The following FNBP1 variants were observed in gnomAD, a reference collection of about 807,000 sequenced individuals.
FNBP1 encodes the protein formin binding protein 1, also known as formin-binding protein 1.
In FNBP1, 26 loss-of-function variants were observed where a neutral mutation model predicts 90.6. That is an observed-to-expected ratio of 0.29 (90% confidence interval 0.21 to 0.40). FNBP1 has a LOEUF of 0.40. Among genes scored for constraint, FNBP1 ranks in the 10% least tolerant of loss-of-function variants. The probability of loss-of-function intolerance (pLI) is 1.00; values close to 1 mark genes in which losing one functional copy is unlikely to be tolerated. For missense variants in FNBP1, 635 were observed against 768.0 expected (o/e 0.83, Z 2.05); for synonymous variants, 260 against 265.2 (o/e 0.98, Z 0.19).
At chr9:130,011,913 A>C (rs2056658988) in intron 1 of FNBP1, among the ~76,000 whole-genome samples, 1 of 152,214 alleles carries the variant, frequency 6.6e-6, no homozygotes. Flanking sequence ...AAATTCTAAG[A>C]TTTAAATCAA....
chr9:129,906,926 C>T (rs2038177172), intron 12 of FNBP1, among the ~76,000 whole-genome samples: 2 of 152,024 alleles, frequency 1.3e-5, no homozygotes, highest in African/African-American at 4.8e-5. Context: ...ATTACAGGCA[C>T]ACACCACCAC....
chr9:129,909,593 C>T (rs1333679429), intron 11 of FNBP1, among the ~76,000 whole-genome samples: 2 of 151,832 alleles, frequency 1.3e-5, no homozygotes, highest in Admixed American at 6.6e-5. Context: ...ACCCCATGCA[C>T]ACCTCCCTCT....
intron 1 of FNBP1, among the ~76,000 whole-genome samples, chr9:130,007,001 A>C (rs958128130): frequency 1.3e-5 from 2 of 151,972 alleles, no homozygotes; most frequent in African/African-American, 4.8e-5. Flanking sequence ...TGGGAGGCTG[A>C]GGAAGGAGGA....
intron 1 of FNBP1, among the ~76,000 whole-genome samples, chr9:130,028,884 A>G (rs1228957744): frequency 6.6e-6 from 1 of 152,176 alleles, no homozygotes; most frequent in Non-Finnish European, 1.5e-5. Flanking sequence ...CCAGATGCAT[A>G]TACTAGGCTA....
At chr9:129,916,125 T>C (rs977080723) in intron 10 of FNBP1, 145 bp from the exon 11 acceptor site, 6 of 631,596 alleles carry the variant, frequency 9.5e-6, no homozygotes, top group Non-Finnish European at 1.4e-5. Flanking sequence ...CGCTGATTTA[T>C]AAAAATGACT....
intron 1 of FNBP1, among the ~76,000 whole-genome samples, chr9:130,022,105 C>T (rs971106665): frequency 3.3e-5 from 5 of 152,106 alleles, no homozygotes; most frequent in South Asian, 4.2e-4. Context: ...GTGATCCACC[C>T]GCCTCAGCCT....
chr9:130,020,505 C>G (rs1472100777), intron 1 of FNBP1, among the ~76,000 whole-genome samples: 4 of 152,130 alleles, frequency 2.6e-5, no homozygotes, highest in Non-Finnish European at 5.9e-5. Context: ...CCAGCGTGCC[C>G]AGCTTATTAG....
chr9:129,985,854 C>T (rs183211847), intron 2 of FNBP1, among the ~76,000 whole-genome samples: 171 of 150,362 alleles, frequency 1.1e-3, no homozygotes, highest in African/African-American at 4.0e-3. Flanking sequence ...CCCAGCTGCT[C>T]GGAAGTCTGA....
At chr9:130,005,705 G>A (rs1441575291) in intron 1 of FNBP1, among the ~76,000 whole-genome samples, 1 of 152,154 alleles carries the variant, frequency 6.6e-6, no homozygotes, top group Non-Finnish European at 1.5e-5. Flanking sequence ...GATGAAAAAG[G>A]ATTACCCAAA....
chr9:130,049,464 A>C, the FNBP1 span, among the ~76,000 whole-genome samples: 2 of 152,182 alleles, frequency 1.3e-5, no homozygotes, highest in East Asian at 3.8e-4. Flanking sequence ...CTATAATCCC[A>C]GCACTTTGGG....
At chr9:130,003,518 A>C (rs550896666) in intron 1 of FNBP1, among the ~76,000 whole-genome samples, 5 of 152,188 alleles carry the variant, frequency 3.3e-5, no homozygotes, top group Admixed American at 1.3e-4. Flanking sequence ...GAGGCAGGAG[A>C]ATAACTTCAA....
chr9:129,894,831 AG>A (rs1162869796), intron 16 of FNBP1, among the ~76,000 whole-genome samples: 2 of 152,236 alleles, frequency 1.3e-5, no homozygotes, highest in African/African-American at 4.8e-5. Flanking sequence ...AGGCAGAAGC[AG>A]GCAGATCACT....
chr9:130,003,405 A>C (rs1183393133), intron 1 of FNBP1, among the ~76,000 whole-genome samples: 1 of 151,970 alleles, frequency 6.6e-6, no homozygotes, highest in African/African-American at 2.4e-5. Context: ...GAAGTTTGAG[A>C]CCTGCCTGGC....
chr9:130,017,065 G>A (rs893329978), intron 1 of FNBP1, among the ~76,000 whole-genome samples: 4 of 151,922 alleles, frequency 2.6e-5, no homozygotes, highest in African/African-American at 9.7e-5. Flanking sequence ...CAGCAACATA[G>A]CAAGACCCCA....
upstream of FNBP1, among the ~76,000 whole-genome samples, chr9:130,043,539 C>T (rs1449371213): frequency 1.3e-5 from 2 of 152,232 alleles, no homozygotes; most frequent in African/African-American, 4.8e-5. Context: ...CGCGTATCGC[C>T]GCTCTGGATT....
chr9:129,910,316 G>A (rs149199981), intron 11 of FNBP1: 4,758 of 395,606 alleles, frequency 0.012, 201 homozygotes, highest in African/African-American at 0.09. Context: ...CACCGTCTCT[G>A]CTAAAAATAT....
upstream of FNBP1, among the ~76,000 whole-genome samples, chr9:130,046,447 G>C (rs997154339): frequency 6.6e-6 from 1 of 151,812 alleles, no homozygotes; most frequent in Non-Finnish European, 1.5e-5. Context: ...AGTCCCTAGA[G>C]AGTTGGCCGG....
At position 129,957,346 on chromosome 9, in the gene FNBP1, A is replaced by G. The variant is rs369710447; in HGVS notation, c.513+14T>C. 6.3e-6 allele frequency: 10 copies of G among 1,590,944 alleles called. No individual in the cohort carries two copies. The African/African-American group carries it at 1.2e-4, about 19-fold the overall frequency. On this transcript the variant is annotated intron_variant, in intron 6 of 16. Coordinates refer to ENST00000446176, the MANE Select transcript of FNBP1 (RefSeq NM_015033.3). This position sits in a 1 kb window ranked among gnomAD's most constrained non-coding sequence, Gnocchi z 4.3. ...AGCCACCGTGCCCGGCCCACACTTG[A>G]GCTTTCACCTCACCTTTTCAACATC...
chr9:129,910,667 T>C (rs2039110114), intron 11 of FNBP1, among the ~76,000 whole-genome samples: 2 of 152,124 alleles, frequency 1.3e-5, no homozygotes, highest in South Asian at 4.2e-4. Flanking sequence ...AAGTTGCATT[T>C]GCCAAGCAGC....
Sources: allele counts gnomAD v4.1 joint callset (sites outside exome capture counted in the v4.1 genomes callset), GRCh38; gene constraint gnomAD v4.1.1; non-coding constraint Gnocchi (gnomAD v3.1); transcripts MANE v1.5; gene names NCBI Gene and HGNC (gene_info 2026-07-23, HGNC 2026-07-21).